ATRNL1: variants seen among roughly 807,000 people sequenced by gnomAD.
The protein encoded by ATRNL1 is attractin like 1, also known as attractin-like protein 1.
In ATRNL1, 95 loss-of-function variants were observed where a neutral mutation model predicts 182.7. The ratio of observed to expected loss-of-function variants is 0.52; its 90% CI spans 0.44 to 0.62. The LOEUF is 0.62. ATRNL1 is among the 20% of genes least tolerant of loss of function. The probability of loss-of-function intolerance (pLI) is 0.00; values close to 1 mark genes in which losing one functional copy is unlikely to be tolerated. For missense variants in ATRNL1, 1,471 were observed against 1,679.5 expected, an observed-to-expected ratio of 0.88 and a Z score of 2.17; for synonymous variants, 576 against 568.3, an observed-to-expected ratio of 1.01 and a Z score of -0.19.
intron 27 of ATRNL1, among the ~76,000 whole-genome samples, chr10:115,800,640 C>G (rs1422890261): frequency 3.3e-5 from 5 of 151,958 alleles, no homozygotes; most frequent in Admixed American, 2.0e-4. Context: ...TTTTTGTGTC[C>G]CTACGAAATG....
At chr10:115,828,670 T>C (rs367878910) in intron 27 of ATRNL1, among the ~76,000 whole-genome samples, 3 of 152,180 alleles carry the variant, frequency 2.0e-5, no homozygotes, top group Admixed American at 1.3e-4. Flanking sequence ...ATTATAATCA[T>C]TATATTTACC....
At chr10:115,646,899 T>TCGTCATTTACATTAGG (rs1859651761) in intron 26 of ATRNL1, among the ~76,000 whole-genome samples, 1 of 150,908 alleles carries the variant, frequency 6.6e-6, no homozygotes, top group Non-Finnish European at 1.5e-5. Flanking sequence ...ACCCATTAAC[T>TCGTCATTTACATTAGG]CGTCATTTAC....
chr10:115,772,408 A>G (rs1339141322), intron 27 of ATRNL1, among the ~76,000 whole-genome samples: 1 of 152,218 alleles, frequency 6.6e-6, no homozygotes, highest in Admixed American at 6.5e-5. Flanking sequence ...GACATGGTCC[A>G]TTTGAAGAAG....
In ATRNL1 at chr10:115,161,270, A is replaced by T. The variant is rs1846771397; in HGVS notation, c.1004+1056A>T. On this transcript the variant is annotated intron_variant, in intron 6 of 28. Transcript: ENST00000355044. ...TGAAATTAAATTAGAAAATCGAATAAATTCTGGAGAGAAGGAGGGAGTTTT... is the reference window on the plus strand; with the variant it reads ...TGAAATTAAATTAGAAAATCGAATATATTCTGGAGAGAAGGAGGGAGTTTT... 1.3e-5 allele frequency among the ~76,000 whole-genome samples: 2 copies of T among 151,990 alleles called. 1 individual carries two copies. Among genetic ancestry groups the T allele is most frequent in the South Asian group, 4.1e-4 (2 of 4,828 alleles).
intron 13 of ATRNL1, among the ~76,000 whole-genome samples, chr10:115,268,886 AG>A (rs1163539200): frequency 6.6e-6 from 1 of 152,118 alleles, no homozygotes; most frequent in East Asian, 1.9e-4. Context: ...TGGTAGTTGT[AG>A]TTTCTCTTTT....
At chr10:115,820,638 C>A (rs1555089987) in intron 27 of ATRNL1, among the ~76,000 whole-genome samples, 1 of 152,064 alleles carries the variant, frequency 6.6e-6, no homozygotes, top group Non-Finnish European at 1.5e-5. Flanking sequence ...AGTGTTTTCT[C>A]TATTTAGTCC....
chr10:115,647,307 A>G (rs1395126261), intron 26 of ATRNL1, among the ~76,000 whole-genome samples: 1 of 152,174 alleles, frequency 6.6e-6, no homozygotes, highest in Non-Finnish European at 1.5e-5. Context: ...TCCTTTGGGT[A>G]TATACCCAGT....
chr10:115,820,522 A>G (rs1555089942), intron 27 of ATRNL1: 1 of 152,160 alleles, frequency 6.6e-6, no homozygotes, highest in Non-Finnish European at 1.5e-5. Context: ...TTCGTGATTT[A>G]AAAACTGATC....
At chr10:115,619,753 A>T (rs1555022070) in intron 26 of ATRNL1, among the ~76,000 whole-genome samples, 1 of 152,220 alleles carries the variant, frequency 6.6e-6, no homozygotes, top group Non-Finnish European at 1.5e-5. Context: ...TTACATAAAA[A>T]TTTCATTTAT....
In ATRNL1 at chr10:115,097,198, A is replaced by G. The variant is rs963416535; in HGVS notation, c.293+3155A>G. Among the ~76,000 whole-genome samples, 3 of 152,180 alleles carry G rather than the reference A, an allele frequency of 2.0e-5. No homozygotes were observed. In the East Asian group the frequency reaches 5.8e-4, roughly 29 times the overall value. ...CTTCATTTCACGCATTTAAAATGGA[A>G]GTATGCTGGGTGCCGTGGCTCAGGC... On this transcript the variant is annotated intron_variant, in intron 1 of 28. Coordinates refer to ENST00000355044, the MANE Select transcript of ATRNL1 (RefSeq NM_207303.4).
intron 19 of ATRNL1, among the ~76,000 whole-genome samples, chr10:115,391,987 A>G (rs1372841960): frequency 6.6e-6 from 1 of 152,186 alleles, no homozygotes; most frequent in African/African-American, 2.4e-5. Context: ...AAAAACAGGA[A>G]TTGATAAACA....
At chr10:115,673,643 A>G (rs1351545327) in intron 26 of ATRNL1, among the ~76,000 whole-genome samples, 1 of 152,114 alleles carries the variant, frequency 6.6e-6, no homozygotes, top group African/African-American at 2.4e-5. Context: ...AAATTAATAT[A>G]ACCAACTTCA....
chr10:115,349,795 T>C (rs1323954297), intron 19 of ATRNL1, among the ~76,000 whole-genome samples: 1 of 152,052 alleles, frequency 6.6e-6, no homozygotes, highest in East Asian at 1.9e-4. Context: ...TTTTTAATTG[T>C]ATTATTATTA....
intron 26 of ATRNL1, among the ~76,000 whole-genome samples, chr10:115,690,034 C>T (rs1358667168): frequency 6.6e-6 from 1 of 152,134 alleles, no homozygotes; most frequent in African/African-American, 2.4e-5. Flanking sequence ...GAGAGGGGAT[C>T]TCACTCTCTG....
At chr10:115,452,627 A>G (rs1393610202) in intron 21 of ATRNL1, among the ~76,000 whole-genome samples, 4 of 152,126 alleles carry the variant, frequency 2.6e-5, no homozygotes, top group Non-Finnish European at 4.4e-5. Context: ...CATCTATGAA[A>G]CCATCAGCAC....
At chr10:115,728,197 A>C in intron 27 of ATRNL1, among the ~76,000 whole-genome samples, 1 of 141,912 alleles carries the variant, frequency 7.0e-6, no homozygotes, top group Admixed American at 7.3e-5. Flanking sequence ...CAGGAGACTG[A>C]GGCAGAAGAA....
intron 28 of ATRNL1, among the ~76,000 whole-genome samples, chr10:115,888,708 G>C (rs761291609): frequency 9.9e-5 from 15 of 152,176 alleles, no homozygotes; most frequent in Non-Finnish European, 2.2e-4. Flanking sequence ...AACAGAAGTT[G>C]AATTTCACCC....
intron 28 of ATRNL1, among the ~76,000 whole-genome samples, chr10:115,935,256 T>C (rs531081394): frequency 6.6e-6 from 1 of 152,336 alleles, no homozygotes; most frequent in African/African-American, 2.4e-5. Context: ...TTAACCTGTA[T>C]TGTCATCCAC....
chr10:115,646,054 C>CACACACACAT, intron 26 of ATRNL1, among the ~76,000 whole-genome samples: 1 of 151,748 alleles, frequency 6.6e-6, no homozygotes, highest in East Asian at 1.9e-4. Context: ...CACACACACA[C>CACACACACAT]ACACACACAC....
Sources: gnomAD v4.1 joint callset for allele counts (sites outside exome capture counted in the v4.1 genomes callset) on GRCh38, gnomAD v4.1.1 for gene constraint, MANE v1.5 for transcripts, NCBI Gene and HGNC (gene_info 2026-07-23, HGNC 2026-07-21) for gene names.